Variants in SLC17A8 observed in about 807,000 individuals in gnomAD.
SLC17A8 encodes solute carrier family 17 member 8.
A neutral mutation model predicts 58.0 loss-of-function variants in SLC17A8; 31 were observed. That is an observed-to-expected ratio of 0.53 (90% CI 0.40 to 0.72). The LOEUF (loss-of-function observed/expected upper bound fraction) is 0.72. SLC17A8 is among the 30% of genes least tolerant of loss of function. SLC17A8 has a pLI of 0.00. For missense variants in SLC17A8, 655 were observed against 727.8 expected, an observed-to-expected ratio of 0.90 and a Z score of 1.15; for synonymous variants, 228 against 249.0, an observed-to-expected ratio of 0.92 and a Z score of 0.79.
chr12:100,391,980 G>A (rs986109658), intron 3 of SLC17A8, among the ~76,000 whole-genome samples: 3 of 152,100 alleles, frequency 2.0e-5, no homozygotes, highest in Non-Finnish European at 1.5e-5. Context: ...GCAATTAAAA[G>A]TACCCAAGAA....
intron 1 of SLC17A8, among the ~76,000 whole-genome samples, chr12:100,376,616 T>C (rs1952596322): frequency 6.6e-6 from 1 of 152,180 alleles, no homozygotes; most frequent in African/African-American, 2.4e-5. Context: ...GTATTAGATT[T>C]CCCATGTCTC....
At chr12:100,368,339 C>A (rs1032614615) in intron 1 of SLC17A8, among the ~76,000 whole-genome samples, 2 of 152,162 alleles carry the variant, frequency 1.3e-5, no homozygotes, top group Non-Finnish European at 2.9e-5. Flanking sequence ...ATGGTCTTCT[C>A]CCCTGGTGTC....
chr12:100,413,713 C>T (rs558674033), intron 10 of SLC17A8, among the ~76,000 whole-genome samples: 5 of 152,264 alleles, frequency 3.3e-5, no homozygotes, highest in South Asian at 2.1e-4. Context: ...CGCTGGCTTA[C>T]GCGTGTAATC....
In SLC17A8 at chr12:100,393,488, G is replaced by T. The variant is rs1383969917; in HGVS notation, c.588+5G>T. 1 of 1,600,684 alleles carries T rather than the reference G, an allele frequency of 6.2e-7. No individual in the cohort carries two copies. Among genetic ancestry groups the T allele is most frequent in the East Asian group, 2.2e-5 (1 of 44,760 alleles). On this transcript the variant is annotated splice_donor_5th_base_variant and intron_variant, in intron 4 of 11. Coordinates refer to ENST00000323346, the MANE Select transcript of SLC17A8 (RefSeq NM_139319.3). ...ATTCTGCAAGGTTTAGTGGAGGTAG[G>T]AGATACTTTCCTTACAGTTTTTGAT...
chr12:100,389,745 A>C lies in SLC17A8; in HGVS notation c.355-1256A>C, dbSNP rs995102682. On this transcript the variant is annotated intron_variant, in intron 2 of 11. Coordinates refer to ENST00000323346, the MANE Select transcript of SLC17A8 (RefSeq NM_139319.3). ...ACTCCTGGGTTCCAGGGATCCTCCC[A>C]TCTCAACCTCCTGAGTAGCTAGGAC... 2.9e-4 allele frequency among the ~76,000 whole-genome samples: 44 copies of C among 151,278 alleles called. No homozygotes were observed. The Middle Eastern group carries it at 0.011, about 36-fold the overall frequency.
chr12:100,358,556 C>T (rs914776296), intron 1 of SLC17A8, among the ~76,000 whole-genome samples: 1 of 152,014 alleles, frequency 6.6e-6, no homozygotes, highest in Non-Finnish European at 1.5e-5. Context: ...AGTTGGACAC[C>T]TTATTATTTT....
At chr12:100,396,453 G>A (rs761153997) in intron 5 of SLC17A8, 36 bp downstream of exon 5, 1 of 1,580,020 alleles carries the variant, frequency 6.3e-7, no homozygotes, top group African/African-American at 1.3e-5. Context: ...TTTTATTTAT[G>A]AATGCTTTTT....
rs919884790 is a variant in SLC17A8, at chr12:100,384,330, T to G, written c.354+3377T>G. Among the ~76,000 whole-genome samples the G allele has an allele frequency of 1.3e-4, 20 of 152,132 alleles. 1 individual carries two copies. The highest frequency in any genetic ancestry group is 2.8e-4 in the Non-Finnish European group (19 of 68,014). On this transcript the variant is annotated intron_variant, in intron 2 of 11. Coordinates refer to ENST00000323346, the MANE Select transcript of SLC17A8 (RefSeq NM_139319.3). ...AGGGGATTATTGGGGCCCGGCATGG[T>G]GGCTCATGCCTGTAATCCCAGCAAT...
At chr12:100,416,427 T>C (rs1017824353) in intron 10 of SLC17A8, among the ~76,000 whole-genome samples, 3 of 152,210 alleles carry the variant, frequency 2.0e-5, no homozygotes, top group African/African-American at 7.2e-5. Context: ...ATAAGGTATG[T>C]TTATTATTAC....
At chr12:100,367,811 C>A (rs1167188012) in intron 1 of SLC17A8, among the ~76,000 whole-genome samples, 2 of 152,216 alleles carry the variant, frequency 1.3e-5, no homozygotes, top group African/African-American at 4.8e-5. Flanking sequence ...CCTCAGCCTG[C>A]CAAATTGCTG....
intron 1 of SLC17A8, among the ~76,000 whole-genome samples, chr12:100,365,025 A>G (rs1952510487): frequency 6.6e-6 from 1 of 152,148 alleles, no homozygotes; most frequent in Non-Finnish European, 1.5e-5. Flanking sequence ...AGGCATTGGT[A>G]TAGTAGATAT....
intron 1 of SLC17A8, among the ~76,000 whole-genome samples, chr12:100,377,585 ATTTT>A (rs35397911): frequency 1.7e-4 from 14 of 84,028 alleles, no homozygotes; most frequent in South Asian, 1.4e-3. Context: ...ATATATATAT[ATTTT>A]TTTTTTTTTT....
rs1998925 is a variant in SLC17A8, at chr12:100,393,317, T to C, written c.474-52T>C. Reference sequence around the variant, plus strand: ...GTTTGTTTCTGGTGCTTAGCTGAAGTAGCACATCCATCAGCAGACCTGCCG... The same window carrying C: ...GTTTGTTTCTGGTGCTTAGCTGAAGCAGCACATCCATCAGCAGACCTGCCG... On this transcript the variant is annotated intron_variant, in intron 3 of 11. Coordinates refer to ENST00000323346, the MANE Select transcript of SLC17A8 (RefSeq NM_139319.3). 452,565 of 1,195,472 alleles carry C rather than the reference T, an allele frequency of 0.38. 94,440 individuals are homozygous for C. The highest frequency in any genetic ancestry group is 0.43 in the Non-Finnish European group (347,052 of 801,098). The allele number at this position is 1,195,472 out of a possible 1,614,324, so 74.1% of individuals were successfully genotyped here. A position where few individuals can be genotyped will look rare whatever the true frequency, so the allele number is the denominator to read the frequency against.
intron 8 of SLC17A8, among the ~76,000 whole-genome samples, chr12:100,403,576 G>A (rs894906659): frequency 6.6e-6 from 1 of 152,112 alleles, no homozygotes; most frequent in African/African-American, 2.4e-5. Flanking sequence ...GGAAGGGTGT[G>A]GATAGTGAAT....
intron 11 of SLC17A8, among the ~76,000 whole-genome samples, 186 bp from the exon 12 acceptor site, chr12:100,419,623 TTTTAAG>T (rs1952932540): frequency 6.6e-6 from 1 of 152,206 alleles, no homozygotes; most frequent in African/African-American, 2.4e-5. Flanking sequence ...AACTTTCATT[TTTTAAG>T]TTTTTCTTTT....
intron 9 of SLC17A8, among the ~76,000 whole-genome samples, chr12:100,408,956 A>G (rs868072036): frequency 6.6e-6 from 1 of 152,230 alleles, no homozygotes; most frequent in African/African-American, 2.4e-5. Flanking sequence ...ATTACATTTC[A>G]TCCTCTTTAG....
At chr12:100,412,929 C>T in intron 10 of SLC17A8, 49 bp downstream of exon 10, 2 of 1,421,346 alleles carry the variant, frequency 1.4e-6, no homozygotes, top group Non-Finnish European at 2.0e-6. Context: ...TTCAACAAGT[C>T]CCAGGAAGAA....
intron 1 of SLC17A8, among the ~76,000 whole-genome samples, chr12:100,365,959 G>T (rs1232295700): frequency 1.3e-5 from 2 of 151,500 alleles, no homozygotes; most frequent in Non-Finnish European, 2.9e-5. Context: ...CCTTTCTAAT[G>T]GATATGGAAA....
chr12:100,390,353 A>AT (rs36053003), intron 2 of SLC17A8, among the ~76,000 whole-genome samples: 63,333 of 147,456 alleles, frequency 0.43, 14,823 homozygotes, highest in Non-Finnish European at 0.53. Flanking sequence ...TGTTTGTTTC[A>AT]TTTTTTTTTT....
Sources: gnomAD v4.1 joint callset for allele counts (sites outside exome capture counted in the v4.1 genomes callset) on GRCh38, gnomAD v4.1.1 for gene constraint, MANE v1.5 for transcripts, NCBI Gene and HGNC (gene_info 2026-07-23, HGNC 2026-07-21) for gene names.